LRRIQ1: variants seen among roughly 807,000 people sequenced by gnomAD.
LRRIQ1 encodes the protein leucine-rich repeat- and IQ domain-containing protein 1.
A neutral mutation model predicts 211.9 loss-of-function variants in LRRIQ1; 210 were observed. The observed-to-expected ratio is 0.99, with a 90% CI of 0.89 to 1.11. LRRIQ1 has a LOEUF of 1.11. Ranked by LOEUF, LRRIQ1 falls within the 50% of genes most tolerant of loss-of-function variation. The pLI is 0.00. For synonymous variants in LRRIQ1, 699 were observed against 650.1 expected (o/e 1.08, Z -1.14); for missense variants, 2,136 against 1,939.5 (o/e 1.10, Z -1.90).
At chr12:85,124,767 T>G (rs957376884) in intron 17 of LRRIQ1, 3 of 369,802 alleles carry the variant, frequency 8.1e-6, no homozygotes, top group Non-Finnish European at 1.5e-5. Flanking sequence ...TAAATGTGAG[T>G]TTTTTTCTGC....
chr12:85,245,134 T>C, downstream of LRRIQ1: 4 of 981,696 alleles, frequency 4.1e-6, no homozygotes, highest in South Asian at 8.9e-5. Context: ...TAATTGTATT[T>C]GGGGCTTCAA....
chr12:85,224,144 GA>G (rs1443017607), intron 24 of LRRIQ1, among the ~76,000 whole-genome samples: 2 of 109,716 alleles, frequency 1.8e-5, no homozygotes, highest in Non-Finnish European at 3.3e-5. Flanking sequence ...GCAAACATAT[GA>G]AAAAAAGCTC....
chr12:85,225,813 C>T (rs1415652819), intron 24 of LRRIQ1, among the ~76,000 whole-genome samples: 1 of 152,176 alleles, frequency 6.6e-6, no homozygotes. Flanking sequence ...CCTTATTCTT[C>T]CTACACAAGT....
At chr12:85,049,227 AT>A (rs1173564142) in intron 6 of LRRIQ1, among the ~76,000 whole-genome samples, 1 of 152,040 alleles carries the variant, frequency 6.6e-6, no homozygotes, top group African/African-American at 2.4e-5. Context: ...CTGCCTCTCC[AT>A]TCCCCAAAAT....
chr12:85,087,993 C>T (rs914889537), intron 11 of LRRIQ1, among the ~76,000 whole-genome samples: 17 of 151,978 alleles, frequency 1.1e-4, no homozygotes, highest in East Asian at 1.9e-4. Context: ...CCATTGCTTT[C>T]GGTGTTTTAG....
intron 11 of LRRIQ1, among the ~76,000 whole-genome samples, chr12:85,081,308 G>A (rs898595473): frequency 2.6e-5 from 4 of 152,096 alleles, no homozygotes; most frequent in Non-Finnish European, 5.9e-5. Context: ...GAGCAGATAT[G>A]TTTATATAAT....
intron 24 of LRRIQ1, among the ~76,000 whole-genome samples, chr12:85,170,037 G>T (rs968351561): frequency 1.2e-4 from 18 of 152,054 alleles, no homozygotes; most frequent in African/African-American, 4.3e-4. Context: ...AATCTGATTA[G>T]AGAATTTGGT....
intron 7 of LRRIQ1, among the ~76,000 whole-genome samples, chr12:85,054,165 CTGAG>C (rs1880691373): frequency 6.6e-6 from 1 of 152,164 alleles, no homozygotes; most frequent in South Asian, 2.1e-4. Flanking sequence ...AGGCACTTCT[CTGAG>C]TGTTTAAGAT....
chr12:85,231,783 C>A (rs1894952422), intron 25 of LRRIQ1, among the ~76,000 whole-genome samples: 1 of 152,106 alleles, frequency 6.6e-6, no homozygotes, highest in Admixed American at 6.5e-5. Context: ...AGAATAGCAC[C>A]AAGGCAATCA....
At chr12:85,070,024 T>G (rs1224801061) in intron 10 of LRRIQ1, among the ~76,000 whole-genome samples, 1 of 152,102 alleles carries the variant, frequency 6.6e-6, no homozygotes, top group East Asian at 1.9e-4. Context: ...CATGCCTATG[T>G]CCTGAATGGT....
intron 24 of LRRIQ1, among the ~76,000 whole-genome samples, chr12:85,176,896 G>T (rs919783440): frequency 6.6e-6 from 1 of 151,714 alleles, no homozygotes; most frequent in African/African-American, 2.4e-5. Context: ...TCTTTGTTTT[G>T]TTTTGGATGA....
At chr12:85,172,148 C>G (rs1021269431) in intron 24 of LRRIQ1, among the ~76,000 whole-genome samples, 6 of 152,160 alleles carry the variant, frequency 3.9e-5, no homozygotes, top group African/African-American at 1.4e-4. Flanking sequence ...TGAGCCAAAG[C>G]TTCACAGAGA....
chr12:85,049,024 T>G (rs943536674), intron 6 of LRRIQ1, among the ~76,000 whole-genome samples: 1 of 152,206 alleles, frequency 6.6e-6, no homozygotes, highest in African/African-American at 2.4e-5. Context: ...TTTTTGAAAC[T>G]AATTTGCAAT....
intron 19 of LRRIQ1, among the ~76,000 whole-genome samples, chr12:85,146,994 G>A (rs1237227900): frequency 2.6e-5 from 4 of 151,640 alleles, no homozygotes; most frequent in Admixed American, 6.6e-5. Flanking sequence ...ATATTTTTTG[G>A]GAGAGAGCCA....
downstream of LRRIQ1, among the ~76,000 whole-genome samples, chr12:85,267,173 T>C (rs576528073): frequency 1.3e-5 from 2 of 152,202 alleles, no homozygotes; most frequent in South Asian, 4.1e-4. Flanking sequence ...CCCCAAAGGA[T>C]AGATCTAGAT....
At chr12:85,125,790 G>A (rs1235428270) in intron 17 of LRRIQ1, among the ~76,000 whole-genome samples, 1 of 151,976 alleles carries the variant, frequency 6.6e-6, no homozygotes, top group Admixed American at 6.6e-5. Flanking sequence ...TTCAAACGTT[G>A]CCTATTGAAA....
At position 85,059,790 on chromosome 12, in the gene LRRIQ1, T is replaced by C. The variant is rs114643298; in HGVS notation, c.2391+2606T>C. Among the ~76,000 whole-genome samples the C allele has an allele frequency of 5.6e-3, 846 of 151,966 alleles. 9 individuals carry two copies. The highest frequency in any genetic ancestry group is 0.019 in the African/African-American group (808 of 41,466). The stretch of plus-strand genomic sequence containing the variant: ...ACCACCATGGCACGTGGCACGTGTA[T>C]ACCTATATAACAAAACCGCATGTTC... On this transcript the variant is annotated intron_variant, in intron 8 of 26. Coordinates refer to ENST00000393217, the MANE Select transcript of LRRIQ1 (RefSeq NM_001079910.2).
At chr12:85,184,035 C>T (rs1254326560) in intron 24 of LRRIQ1, among the ~76,000 whole-genome samples, 1 of 151,918 alleles carries the variant, frequency 6.6e-6, no homozygotes, top group Non-Finnish European at 1.5e-5. Flanking sequence ...TTCATTTGAC[C>T]ACTTGGTGAC....
In LRRIQ1 at chr12:85,090,391, C is replaced by T. The variant is rs538816171; in HGVS notation, c.2888-7964C>T. 2.0e-5 allele frequency among the ~76,000 whole-genome samples: 3 copies of T among 152,288 alleles called. No homozygotes were observed. The South Asian group carries it at 6.2e-4, about 32-fold the overall frequency. ...TCCAGACTCAAGAATTGTAGATCCACTGGCAGCTTGCACCTTGCATCCAAA... is the reference window on the plus strand; with the variant it reads ...TCCAGACTCAAGAATTGTAGATCCATTGGCAGCTTGCACCTTGCATCCAAA... On this transcript the variant is annotated intron_variant, in intron 11 of 26. Transcript: ENST00000393217.
Sources: allele counts gnomAD v4.1 joint callset (sites outside exome capture counted in the v4.1 genomes callset), GRCh38; gene constraint gnomAD v4.1.1; transcripts MANE v1.5; gene names NCBI Gene and HGNC (gene_info 2026-07-23, HGNC 2026-07-21).